The following ZNF846 variants were observed in gnomAD, a reference collection of about 807,000 sequenced individuals.
ZNF846 encodes zinc finger protein 846, also known as zinc finger protein 420 pseudogene.
Under a neutral mutation model 16.0 loss-of-function variants are expected in ZNF846, and 15 were observed. The observed-to-expected ratio is 0.94, with a 90% confidence interval of 0.63 to 1.45. The LOEUF (loss-of-function observed/expected upper bound fraction) is 1.45, where lower values mean the gene tolerates loss of function less well. Ranked by LOEUF, ZNF846 falls within the 40% of genes most tolerant of loss-of-function variation. The pLI, the probability that ZNF846 is intolerant of heterozygous loss-of-function variation, is 0.00. For missense variants in ZNF846, 714 were observed against 622.3 expected, an observed-to-expected ratio of 1.15 and a Z score of -1.57; for synonymous variants, 229 against 212.0, an observed-to-expected ratio of 1.08 and a Z score of -0.70.
At position 9,777,474 on chromosome 19, in the gene ZNF846, C is replaced by T. The variant is rs560475279; in HGVS notation, c.-86+8464G>A. ...GATCACGAGGTCAGGAGATCGAGAC[C>T]ATCCTGGCCAACCTGGTGAAATCCC... On this transcript the variant is annotated intron_variant, in intron 1 of 4. Coordinates refer to the ZNF846 transcript ENST00000586814. 2.6e-5 allele frequency among the ~76,000 whole-genome samples: 4 copies of T among 151,486 alleles called. No individual in the cohort carries two copies. The South Asian group carries it at 8.3e-4, about 32-fold the overall frequency.
chr19:9,760,024 G>T, intron 4 of ZNF846, 82 bp from the exon 5 acceptor site: 1 of 997,936 alleles, frequency 1.0e-6, no homozygotes, highest in Non-Finnish European at 1.5e-6. Context: ...GGGCGTGGTG[G>T]CTCACACCTG....
chr19:9,759,514 G>A (rs1325967847), intron 5 of ZNF846, among the ~76,000 whole-genome samples: 1 of 151,586 alleles, frequency 6.6e-6, no homozygotes, highest in African/African-American at 2.4e-5. Context: ...GAGGCTGGAG[G>A]ATCATTTGAG....
intron 1 of ZNF846, among the ~76,000 whole-genome samples, chr19:9,777,817 C>T (rs2045462743): frequency 6.6e-6 from 1 of 151,736 alleles, no homozygotes. Context: ...GCTAACATGG[C>T]AAAACCCCAT....
downstream of ZNF846, among the ~76,000 whole-genome samples, chr19:9,754,727 T>C (rs1392254439): frequency 6.6e-6 from 1 of 151,522 alleles, no homozygotes. Flanking sequence ...TTACTCTTTT[T>C]CTGTATGTCT....
At chr19:9,778,464 C>T (rs932403306) in intron 1 of ZNF846, among the ~76,000 whole-genome samples, 2 of 152,110 alleles carry the variant, frequency 1.3e-5, no homozygotes, top group African/African-American at 4.8e-5. Context: ...TCTAGACCTA[C>T]CTCCCAATTT....
chr19:9,777,807 G>T (rs973891899), intron 1 of ZNF846, among the ~76,000 whole-genome samples: 2 of 152,044 alleles, frequency 1.3e-5, no homozygotes, highest in Non-Finnish European at 2.9e-5. Context: ...GACCAAGCTA[G>T]CTAACATGGC....
downstream of ZNF846, chr19:9,755,437 A>G (rs1470129303): frequency 6.6e-6 from 1 of 151,374 alleles, no homozygotes; most frequent in East Asian, 1.9e-4. Context: ...AGCTTCCCAT[A>G]ACTCCTCAGA....
At chr19:9,775,607 C>T (rs7246772) in intron 1 of ZNF846, among the ~76,000 whole-genome samples, 16,624 of 152,164 alleles carry the variant, frequency 0.11, 1,284 homozygotes, top group African/African-American at 0.21. Flanking sequence ...ACAAAATAAA[C>T]TCCAAATGAA....
chr19:9,774,313 A>G (rs2045414902), intron 1 of ZNF846, among the ~76,000 whole-genome samples: 1 of 151,916 alleles, frequency 6.6e-6, no homozygotes, highest in African/African-American at 2.4e-5. Flanking sequence ...CTAAAAATAC[A>G]AAAAATTAGC....
At chr19:9,781,955 T>G (rs1056928674) in intron 1 of ZNF846, among the ~76,000 whole-genome samples, 1 of 151,942 alleles carries the variant, frequency 6.6e-6, no homozygotes. Context: ...TTTTGTATTT[T>G]TAGTAGAGAT....
rs1415322257 is a variant in ZNF846, at chr19:9,783,540, A to ATATATATATATATATAT, written c.-86+2397_-86+2398insATATATATATATATATA. Among the ~76,000 whole-genome samples the ATATATATATATATATAT allele has an allele frequency of 1.4e-4, 17 of 120,494 alleles. No homozygotes were observed. In the East Asian group the frequency reaches 1.5e-3, roughly 10 times the overall value. The allele number at this position is 120,494 out of a possible 152,430, so 79.0% of individuals were successfully genotyped here. A position where few individuals can be genotyped will look rare whatever the true frequency, so the allele number is the denominator to read the frequency against. ...AGTCTCATCACTAAAAAAAAAAAAAAAAAAATATATATATATATATATATA... is the reference window on the plus strand; with the variant it reads ...AGTCTCATCACTAAAAAAAAAAAAAATATATATATATATATATAAAAATATATATATATATATATATA... On this transcript the variant is annotated intron_variant, in intron 1 of 4. Transcript: ENST00000586814.
intron 4 of ZNF846, among the ~76,000 whole-genome samples, chr19:9,760,291 C>CAA (rs111372265): frequency 0.025 from 3,507 of 140,664 alleles, 205 homozygotes; most frequent in African/African-American, 0.086. Context: ...GACTTCGTCT[C>CAA]AAAAAAAAAA....
chr19:9,785,931 G>GC (rs1568332567), intron 1 of ZNF846: 2 of 145,330 alleles, frequency 1.4e-5, no homozygotes, highest in African/African-American at 2.6e-5. Context: ...CGCACCTGAA[G>GC]CCGCACCTGG....
chr19:9,771,846 C>A (rs1406321526), upstream of ZNF846, among the ~76,000 whole-genome samples: 4 of 152,016 alleles, frequency 2.6e-5, no homozygotes, highest in Non-Finnish European at 5.9e-5. Context: ...TGGCTCACTG[C>A]AACCTCCGCC....
intron 1 of ZNF846, among the ~76,000 whole-genome samples, chr19:9,780,219 G>A (rs1439637266): frequency 6.6e-6 from 1 of 151,394 alleles, no homozygotes; most frequent in Admixed American, 6.6e-5. Flanking sequence ...TTAAAGACAG[G>A]GTCTTGCTAT....
chr19:9,759,912 G>T, exon 5 of ZNF846: 1 of 1,613,174 alleles, frequency 6.2e-7, no homozygotes, highest in Non-Finnish European at 8.5e-7. Flanking sequence ...CAGCAGTGGG[G>T]AGCCTTTGGT....
intron 1 of ZNF846, among the ~76,000 whole-genome samples, chr19:9,777,743 T>A (rs2145309195): frequency 6.6e-6 from 1 of 152,196 alleles, no homozygotes; most frequent in Non-Finnish European, 1.5e-5. Context: ...ATACCTGTCA[T>A]TTTAGCACTT....
chr19:9,748,765 C>T (rs532882350), downstream of ZNF846, among the ~76,000 whole-genome samples: 1 of 152,110 alleles, frequency 6.6e-6, no homozygotes, highest in East Asian at 1.9e-4. Flanking sequence ...AGCTTGTCCT[C>T]GAGAAGCTAC....
intron 1 of ZNF846, among the ~76,000 whole-genome samples, chr19:9,784,335 C>T (rs993005404): frequency 2.6e-5 from 4 of 152,238 alleles, no homozygotes; most frequent in Admixed American, 6.5e-5. Context: ...GCAAAGGACG[C>T]TATGTCACAA....
Sources: gnomAD v4.1 joint callset for allele counts (sites outside exome capture counted in the v4.1 genomes callset) on GRCh38, gnomAD v4.1.1 for gene constraint, MANE v1.5 for transcripts, NCBI Gene and HGNC (gene_info 2026-07-23, HGNC 2026-07-21) for gene names.